OSMR: variants seen among roughly 807,000 people sequenced by gnomAD.
The protein encoded by OSMR is oncostatin-M-specific receptor subunit beta.
OSMR carries 81 observed loss-of-function variants against 99.9 expected under a neutral mutation model. The observed-to-expected ratio is 0.81, with a 90% confidence interval of 0.68 to 0.97. OSMR has a LOEUF of 0.97. Among genes scored for constraint, OSMR ranks in the 50% least tolerant of loss-of-function variants. OSMR has a pLI of 0.00. For missense variants in OSMR, 1,099 were observed against 1,153.4 expected (o/e 0.95, Z 0.68); for synonymous variants, 406 against 410.4 (o/e 0.99, Z 0.13).
At chr5:38,944,348 G>T in intron 2 of OSMR, 2 of 1,238,468 alleles carry the variant, frequency 1.6e-6, no homozygotes, top group Non-Finnish European at 2.3e-6. Context: ...AACTACTGAT[G>T]TAAGTTAACT....
Position 38,933,497 on chromosome 5 carries a change from C to T in OSMR, c.*53C>T. On this transcript the variant is annotated 3_prime_UTR_variant, in exon 18 of 18. Transcript: ENST00000274276. ...TACACAGACATTAAGAAGAGCAGAG[C>T]TGGCACCCTGTCATCACCAGTGGCC... 6.2e-7 allele frequency: 1 copy of T among 1,603,106 alleles called. No individual in the cohort carries two copies. The highest frequency in any genetic ancestry group is 8.5e-7 in the Non-Finnish European group (1 of 1,171,942).
chr5:38,926,355 A>G (rs759110986), intron 15 of OSMR, among the ~76,000 whole-genome samples: 3 of 152,202 alleles, frequency 2.0e-5, no homozygotes, highest in Admixed American at 6.5e-5. Flanking sequence ...GTCCGTTCTC[A>G]CACTACTATA....
At position 38,924,416 on chromosome 5, in the gene OSMR, TC is replaced by T; in HGVS notation, c.1871-4del. 2 of 1,614,146 alleles carry T rather than the reference TC, an allele frequency of 1.2e-6. No individual in the cohort carries two copies. The highest frequency in any genetic ancestry group is 1.7e-6 in the Non-Finnish European group (2 of 1,179,994). On this transcript the variant is annotated splice_region_variant and splice_polypyrimidine_tract_variant and intron_variant, in intron 13 of 17. Coordinates refer to ENST00000274276, the MANE Select transcript of OSMR (RefSeq NM_003999.3). ...ACTTTTCTCTTATCCCAACTTCTTTTCCTAGCTCCTTCAGACAACCCTCACG... is the reference window on the plus strand; with the variant it reads ...ACTTTTCTCTTATCCCAACTTCTTTTCTAGCTCCTTCAGACAACCCTCACG...
At chr5:38,917,405 A>G (rs1745969249) in intron 9 of OSMR, 141 bp from the exon 10 acceptor site, 3 of 1,464,734 alleles carry the variant, frequency 2.0e-6, no homozygotes, top group Non-Finnish European at 2.7e-6. Flanking sequence ...AGTGGGTAGA[A>G]GTCATAGAGA....
intron 2 of OSMR, among the ~76,000 whole-genome samples, chr5:38,869,555 G>T (rs1742212369): frequency 6.6e-6 from 1 of 152,188 alleles, no homozygotes; most frequent in Non-Finnish European, 1.5e-5. Context: ...TGTTAGCTTA[G>T]TAAAATATGA....
In OSMR at chr5:38,897,432, A is replaced by G. The variant is rs575543422; in HGVS notation, c.992-6450A>G. ...CTTGTAGATTTTCCAATTTATTGCC[A>G]TATAATTGCTCATAGTAGCCACTAA... is the stretch of plus-strand genomic sequence containing the variant. On this transcript the variant is annotated intron_variant, in intron 7 of 17. Coordinates refer to ENST00000274276, the MANE Select transcript of OSMR (RefSeq NM_003999.3). Among the ~76,000 whole-genome samples, 26 of 152,164 alleles carry G rather than the reference A, an allele frequency of 1.7e-4. No homozygotes were observed. In the Middle Eastern group the frequency reaches 0.01, roughly 60 times the overall value.
At chr5:38,871,131 G>A (rs994891847) in intron 2 of OSMR, among the ~76,000 whole-genome samples, 5 of 152,250 alleles carry the variant, frequency 3.3e-5, no homozygotes, top group Admixed American at 2.6e-4. Context: ...GAAAAATGGG[G>A]TACTCGGTTA....
Position 38,890,035 on chromosome 5 carries a change from GAATT to G in OSMR, c.991+3850_991+3853del, listed in dbSNP as rs533587094. 1.9e-3 allele frequency among the ~76,000 whole-genome samples: 295 copies of G among 152,208 alleles called. 1 individual carries two copies. Among genetic ancestry groups the G allele is most frequent in the African/African-American group, 6.8e-3 (281 of 41,532 alleles). On this transcript the variant is annotated intron_variant, in intron 7 of 17. Transcript: ENST00000274276. ...ATATATGATACCATTTCTAATCCAT[GAATT>G]AATTTGTGTTTCAAATTTTCTAAAA...
rs926242946 is a variant in OSMR at position 38,886,184 on chromosome 5, C to T, written c.985C>T (p.His329Tyr). 2.5e-6 allele frequency: 4 copies of T among 1,614,056 alleles called. No individual in the cohort carries two copies. The highest frequency in any genetic ancestry group is 3.4e-6 in the Non-Finnish European group (4 of 1,179,922). ...RSVNILFNLT[H>Y]RVYLMNPFSV... ...TGTCAATATCCTTTTTAACCTGACT[C>T]ATCGAGGTGAGACTAGAGTTGTCAC... Residue 329 changes from histidine (H) to tyrosine (Y), a missense_variant, in exon 7 of 18, where the codon CAT becomes TAT. By Grantham distance (83) the His-to-Tyr change is moderately conservative. Transcript: ENST00000274276.
intron 3 of OSMR, chr5:38,881,348 A>C: frequency 3.4e-6 from 1 of 291,022 alleles, no homozygotes; most frequent in Non-Finnish European, 5.1e-6. Flanking sequence ...CTTATTCCAC[A>C]TGAGTCCCCG....
At chr5:38,860,969 T>C (rs1467482909) in intron 1 of OSMR, among the ~76,000 whole-genome samples, 8 of 152,286 alleles carry the variant, frequency 5.3e-5, no homozygotes, top group Non-Finnish European at 1.2e-4. Context: ...AGGACATTTT[T>C]TATGTCCTTG....
At chr5:38,945,483 T>C (rs564817528), downstream of OSMR, 59 of 1,582,484 alleles carry the variant, frequency 3.7e-5, 1 homozygote, top group South Asian at 6.2e-4. Flanking sequence ...TGGGACGTGA[T>C]CACTTACCTG....
At chr5:38,901,591 A>C (rs1341134820) in intron 7 of OSMR, among the ~76,000 whole-genome samples, 5 of 152,168 alleles carry the variant, frequency 3.3e-5, no homozygotes, top group Non-Finnish European at 7.4e-5. Flanking sequence ...TGCTGTTTAA[A>C]AGCGGTGTAT....
At chr5:38,863,342 C>A (rs1741665584) in intron 1 of OSMR, among the ~76,000 whole-genome samples, 1 of 151,916 alleles carries the variant, frequency 6.6e-6, no homozygotes, top group African/African-American at 2.4e-5. Flanking sequence ...AGATCGAGAC[C>A]ATGCTGCCAA....
intron 1 of OSMR, chr5:38,942,795 C>T: frequency 6.8e-7 from 1 of 1,477,828 alleles, no homozygotes; most frequent in Non-Finnish European, 9.5e-7. Flanking sequence ...CAGAATTATT[C>T]TTGGAAGATA....
downstream of OSMR, chr5:38,938,906 A>T (rs1225396539): frequency 1.7e-5 from 4 of 233,090 alleles, no homozygotes; most frequent in African/African-American, 8.8e-5. Flanking sequence ...AAAGTCTCTC[A>T]ATTTTACCTT....
chr5:38,881,174 A>G (rs1033294705), intron 3 of OSMR, among the ~76,000 whole-genome samples: 4 of 151,742 alleles, frequency 2.6e-5, no homozygotes, highest in Non-Finnish European at 5.9e-5. Context: ...AAAGATGAAT[A>G]TTTTTTAAAA....
In OSMR at chr5:38,921,795, G is replaced by A; in HGVS notation, c.1765+1G>A. 1 of 1,611,762 alleles carries A rather than the reference G, an allele frequency of 6.2e-7. No individual in the cohort carries two copies. The highest frequency in any genetic ancestry group is 1.1e-5 in the South Asian group (1 of 91,044). On this transcript the variant is annotated splice_donor_variant, in intron 12 of 17. Coordinates refer to ENST00000274276, the MANE Select transcript of OSMR (RefSeq NM_003999.3). LOFTEE classifies it high-confidence loss of function. ...ACCACAAGCACAGTCATTAGCACAG[G>A]TAAGAAGAAGCTTCCATATCATCGC...
chr5:38,899,611 G>A (rs559968274), intron 7 of OSMR, among the ~76,000 whole-genome samples: 1 of 152,148 alleles, frequency 6.6e-6, no homozygotes, highest in Non-Finnish European at 1.5e-5. Flanking sequence ...GTACTCTTTA[G>A]TCAGCAGGTT....
Sources: allele counts gnomAD v4.1 joint callset (sites outside exome capture counted in the v4.1 genomes callset), GRCh38; gene constraint gnomAD v4.1.1; transcripts MANE v1.5; gene names NCBI Gene and HGNC (gene_info 2026-07-23, HGNC 2026-07-21).